Variants in ATL3 observed in about 807,000 individuals in gnomAD.
The protein encoded by ATL3 is atlastin-3.
ATL3 carries 49 observed loss-of-function variants against 69.5 expected under a neutral mutation model. That is an observed-to-expected ratio of 0.71 (90% CI 0.56 to 0.89). ATL3 has a LOEUF of 0.89. Ranked by LOEUF, ATL3 falls within the 40% of genes least tolerant of loss-of-function variation. The pLI, the probability that ATL3 is intolerant of heterozygous loss-of-function variation, is 0.00. For missense variants in ATL3, 606 were observed against 645.7 expected, an observed-to-expected ratio of 0.94 and a Z score of 0.67; for synonymous variants, 214 against 224.1, an observed-to-expected ratio of 0.95 and a Z score of 0.40.
chr11:63,630,987 G>T, intron 12 of ATL3, 53 bp downstream of exon 12: 1 of 1,506,416 alleles, frequency 6.6e-7, no homozygotes, highest in Non-Finnish European at 8.9e-7. Flanking sequence ...TACAACAGAA[G>T]CACAAATATC....
chr11:63,665,028 GATGGGGTA>G (rs1940533652), intron 1 of ATL3, among the ~76,000 whole-genome samples: 1 of 152,206 alleles, frequency 6.6e-6, no homozygotes, highest in South Asian at 2.1e-4. Flanking sequence ...GTGGTTACAA[GATGGGGTA>G]ATCCAATGAT....
At chr11:63,671,851 A>T, upstream of ATL3, 1 of 657,716 alleles carries the variant, frequency 1.5e-6, no homozygotes, top group Non-Finnish European at 2.1e-6. Context: ...CGTGCAGACC[A>T]GGCCCCAGGC....
chr11:63,661,291 T>G (rs1241287024), intron 1 of ATL3, among the ~76,000 whole-genome samples: 1 of 151,912 alleles, frequency 6.6e-6, no homozygotes, highest in Admixed American at 6.6e-5. Flanking sequence ...GTCCTAGATA[T>G]AAGCTCAAAA....
chr11:63,656,929 T>C (rs1408790610), intron 3 of ATL3, among the ~76,000 whole-genome samples: 1 of 151,458 alleles, frequency 6.6e-6, no homozygotes, highest in Non-Finnish European at 1.5e-5. Context: ...ATATCAAAGG[T>C]GGCCAGGTGT....
At chr11:63,651,184 C>A (rs913003984) in intron 5 of ATL3, among the ~76,000 whole-genome samples, 4 of 152,024 alleles carry the variant, frequency 2.6e-5, no homozygotes, top group Non-Finnish European at 2.9e-5. Flanking sequence ...AGGCCGGGCG[C>A]GGTGGCTCAT....
At chr11:63,646,635 T>A in intron 5 of ATL3, 72 bp from the exon 6 acceptor site, 1 of 979,172 alleles carries the variant, frequency 1.0e-6, no homozygotes. Flanking sequence ...TTTAGCAAAG[T>A]ATTCATTATA....
At chr11:63,646,278 T>C (rs1939877540) in intron 6 of ATL3, among the ~76,000 whole-genome samples, 1 of 152,218 alleles carries the variant, frequency 6.6e-6, no homozygotes, top group Admixed American at 6.5e-5. Flanking sequence ...ATGGCTGTGT[T>C]ACACTAAAAT....
intron 8 of ATL3, among the ~76,000 whole-genome samples, chr11:63,638,246 T>G (rs1939583557): frequency 6.6e-6 from 1 of 152,150 alleles, no homozygotes; most frequent in South Asian, 2.1e-4. Flanking sequence ...TCTTTAGTGG[T>G]GTCAAAGAAG....
intron 8 of ATL3, among the ~76,000 whole-genome samples, chr11:63,643,079 A>T (rs908631010): frequency 6.6e-6 from 1 of 152,184 alleles, no homozygotes; most frequent in African/African-American, 2.4e-5. Context: ...GTCTTCCTTT[A>T]TTTAGCATTT....
At chr11:63,653,037 A>T (rs935243989) in intron 3 of ATL3, among the ~76,000 whole-genome samples, 12 of 152,134 alleles carry the variant, frequency 7.9e-5, no homozygotes, top group Admixed American at 2.6e-4. Flanking sequence ...ATAAAATTTA[A>T]AAAATTAGGT....
intron 8 of ATL3, among the ~76,000 whole-genome samples, chr11:63,637,004 C>A (rs1370506527): frequency 6.6e-6 from 1 of 152,122 alleles, no homozygotes; most frequent in East Asian, 1.9e-4. Context: ...GATGGCCGTG[C>A]GTGGTGGCTC....
At chr11:63,658,639 T>G (rs1940329555) in intron 3 of ATL3, 122 bp downstream of exon 3, 11 of 1,159,548 alleles carry the variant, frequency 9.5e-6, no homozygotes, top group Non-Finnish European at 1.1e-5. Flanking sequence ...TTTTTAACTT[T>G]TCTTACTTTA....
rs1280861345 is a variant in ATL3 at position 63,629,399 on chromosome 11, A to C, written c.1546T>G (p.Ser516Ala). The C allele has an allele frequency of 1.2e-6, 2 of 1,614,026 alleles. No individual in the cohort carries two copies. Among genetic ancestry groups the C allele is most frequent in the Admixed American group, 3.3e-5 (2 of 60,028 alleles). The change falls in exon 13 of 13, where the codon TCT becomes GCT. Residue 516 changes from serine (S) to alanine (A), a missense_variant. Transcript: ENST00000398868. The stretch of plus-strand genomic sequence containing the variant: ...GCCTGAGTGGAATTACCGATATGAG[A>C]AGAAGCCTGCAAAAGTCCATTTATT... ...GAAYVLEQAS[S>A]HIGNSTQATV...
At chr11:63,668,418 G>C (rs1940647637) in intron 1 of ATL3, among the ~76,000 whole-genome samples, 1 of 152,172 alleles carries the variant, frequency 6.6e-6, no homozygotes, top group Non-Finnish European at 1.5e-5. Flanking sequence ...TGTGCCAGTA[G>C]ATACACTGCA....
At position 63,625,154 on chromosome 11, in the gene ATL3, C is replaced by G. The variant is rs1165180796; in HGVS notation, c.*4165G>C. The G allele has an allele frequency of 6.6e-6, 1 of 152,198 alleles. No homozygotes were observed. The highest frequency in any genetic ancestry group is 1.9e-4 in the East Asian group (1 of 5,204). The allele number at this position is 152,198 out of a possible 1,614,324, so 9.4% of individuals were successfully genotyped here. On this transcript the variant is annotated 3_prime_UTR_variant, in exon 13 of 13. Coordinates refer to ENST00000398868, the MANE Select transcript of ATL3 (RefSeq NM_015459.5). ...CCATTTGACTGCAAATATTATTTTA[C>G]AATGGGCTTCTTAATGTCATTTTTA... is the stretch of plus-strand genomic sequence containing the variant.
At chr11:63,668,460 AT>A (rs1169559497) in intron 1 of ATL3, among the ~76,000 whole-genome samples, 1 of 152,246 alleles carries the variant, frequency 6.6e-6, no homozygotes, top group Non-Finnish European at 1.5e-5. Context: ...TGAAAATACT[AT>A]TTAAATCTAA....
rs550950250 is a variant in ATL3, at chr11:63,641,684, G to A, written c.850+1673C>T. On this transcript the variant is annotated intron_variant, in intron 8 of 12. Coordinates refer to ENST00000398868, the MANE Select transcript of ATL3 (RefSeq NM_015459.5). ...GGACTTCTGGCTCCCTGACTTGCGG[G>A]GGAATAAATTTCCGTTGTCTTAAGC... is the stretch of plus-strand genomic sequence containing the variant. Among the ~76,000 whole-genome samples the A allele has an allele frequency of 5.9e-5, 9 of 152,228 alleles. No homozygotes were observed. In the East Asian group the frequency reaches 1.5e-3, roughly 26 times the overall value.
intron 6 of ATL3, among the ~76,000 whole-genome samples, chr11:63,646,058 C>G (rs1243173921): frequency 7.2e-5 from 1 of 13,950 alleles, no homozygotes; most frequent in Non-Finnish European, 1.3e-4. Flanking sequence ...GCCACTGTAC[C>G]TACCCCCATT....
chr11:63,648,910 G>C (rs1939979408), intron 5 of ATL3, among the ~76,000 whole-genome samples: 1 of 152,034 alleles, frequency 6.6e-6, no homozygotes, highest in African/African-American at 2.4e-5. Flanking sequence ...TTCAGGTTAG[G>C]AATTTGAGGT....
Sources: allele counts gnomAD v4.1 joint callset (sites outside exome capture counted in the v4.1 genomes callset), GRCh38; gene constraint gnomAD v4.1.1; transcripts MANE v1.5; gene names NCBI Gene and HGNC (gene_info 2026-07-23, HGNC 2026-07-21).